ANXA8: variants seen among roughly 807,000 people sequenced by gnomAD.
ANXA8 encodes annexin A8.
Under a neutral mutation model 26.8 loss-of-function variants are expected in ANXA8, and 9 were observed. That is an observed-to-expected ratio of 0.34 (90% CI 0.20 to 0.59). The LOEUF is 0.59. Ranked by LOEUF, ANXA8 falls within the 20% of genes least tolerant of loss-of-function variation. The pLI, the probability that ANXA8 is intolerant of heterozygous loss-of-function variation, is 0.84. For missense variants in ANXA8, 83 were observed against 238.5 expected, an observed-to-expected ratio of 0.35 and a Z score of 4.29; for synonymous variants, 39 against 94.8, an observed-to-expected ratio of 0.41 and a Z score of 3.42.
chr10:47,983,350 C>T, the ANXA8 span, among the ~76,000 whole-genome samples: 3 of 118,018 alleles, frequency 2.5e-5, no homozygotes, highest in East Asian at 2.1e-4. Context: ...TGTCCGTCAA[C>T]GAATGGGTAA....
chr10:47,690,862 G>C, the ANXA8 span: 1 of 1,611,624 alleles, frequency 6.2e-7, no homozygotes, highest in Non-Finnish European at 8.5e-7. Context: ...TGAAGATAAA[G>C]TGGCCCAGTC....
chr10:47,739,046 C>A, the ANXA8 span, among the ~76,000 whole-genome samples: 1 of 148,924 alleles, frequency 6.7e-6, no homozygotes, highest in Non-Finnish European at 1.5e-5. Flanking sequence ...CAGCTAGTCA[C>A]TAAAGGGACT....
At chr10:47,769,300 C>T in the ANXA8 span, among the ~76,000 whole-genome samples, 1 of 150,706 alleles carries the variant, frequency 6.6e-6, no homozygotes, top group Non-Finnish European at 1.5e-5. Context: ...TCCAAATCCC[C>T]TTCCTTTCCT....
At chr10:47,733,445 A>T in the ANXA8 span, among the ~76,000 whole-genome samples, 1 of 127,952 alleles carries the variant, frequency 7.8e-6, no homozygotes, top group Non-Finnish European at 1.6e-5. Flanking sequence ...CGTCCCTAGA[A>T]TTCTAAACTA....
At chr10:47,901,745 T>C in the ANXA8 span, among the ~76,000 whole-genome samples, 1 of 138,334 alleles carries the variant, frequency 7.2e-6, no homozygotes, top group Non-Finnish European at 1.6e-5. Flanking sequence ...CACATAAGAG[T>C]CTTTCTCAAA....
chr10:47,567,720 A>G, the ANXA8 span, among the ~76,000 whole-genome samples: 1 of 146,384 alleles, frequency 6.8e-6, no homozygotes. Flanking sequence ...GTTAATTATT[A>G]TTATGTTTTA....
chr10:47,599,720 C>G, the ANXA8 span: 4 of 151,508 alleles, frequency 2.6e-5, no homozygotes, highest in African/African-American at 9.9e-5. Context: ...GTCCCCTAAC[C>G]CAACATTGCT....
the ANXA8 span, among the ~76,000 whole-genome samples, chr10:47,527,594 A>G: frequency 1.4e-5 from 2 of 147,624 alleles, no homozygotes. Flanking sequence ...TGCAGAGTCA[A>G]ATTTTGCCAG....
the ANXA8 span, among the ~76,000 whole-genome samples, chr10:47,497,780 A>T: frequency 2.7e-5 from 4 of 150,584 alleles, no homozygotes; most frequent in Non-Finnish European, 5.9e-5. Context: ...TCTACTAAAC[A>T]TACAAAAATT....
chr10:47,560,404 A>G, the ANXA8 span, among the ~76,000 whole-genome samples: 3 of 151,834 alleles, frequency 2.0e-5, no homozygotes, highest in Admixed American at 6.6e-5. Context: ...GAGAAGAAAT[A>G]CTAGTTCTTA....
chr10:47,501,450 C>T, the ANXA8 span, among the ~76,000 whole-genome samples: 1 of 138,448 alleles, frequency 7.2e-6, no homozygotes, highest in Non-Finnish European at 1.6e-5. Flanking sequence ...TGGCTCACCC[C>T]CATAATCCCA....
chr10:47,645,056 T>C, the ANXA8 span, among the ~76,000 whole-genome samples: 2 of 151,752 alleles, frequency 1.3e-5, no homozygotes, highest in African/African-American at 4.9e-5. Context: ...CTGTCTTTCT[T>C]AAAGAAATTA....
At chr10:47,738,471 C>T in the ANXA8 span, among the ~76,000 whole-genome samples, 95 of 147,650 alleles carry the variant, frequency 6.4e-4, no homozygotes, top group South Asian at 8.9e-3. Flanking sequence ...GTGGTTAAGG[C>T]TTACTATTTA....
chr10:47,685,475 C>T, the ANXA8 span, among the ~76,000 whole-genome samples: 1 of 151,886 alleles, frequency 6.6e-6, no homozygotes, highest in Non-Finnish European at 1.5e-5. Flanking sequence ...CGTGTCATCC[C>T]TTTATGCTCT....
chr10:47,733,299 T>TTTCTTTCTTTG, the ANXA8 span, among the ~76,000 whole-genome samples: 13 of 100,638 alleles, frequency 1.3e-4, 1 homozygote, highest in Admixed American at 2.1e-4. Context: ...TTCTTTCTTT[T>TTTCTTTCTTTG]TTTTCTTTCT....
chr10:47,594,320 T>C, the ANXA8 span, among the ~76,000 whole-genome samples: 1 of 138,704 alleles, frequency 7.2e-6, no homozygotes, highest in Non-Finnish European at 1.5e-5. Flanking sequence ...CTCCCGCAGA[T>C]GGAAAGGAAT....
chr10:47,670,646 C>T, the ANXA8 span, among the ~76,000 whole-genome samples: 10 of 151,982 alleles, frequency 6.6e-5, no homozygotes, highest in South Asian at 4.1e-4. Flanking sequence ...TGCTTGTTGG[C>T]CATTTGTATA....
At chr10:47,976,544 T>TACACACACACACACAC in the ANXA8 span, among the ~76,000 whole-genome samples, 5 of 132,212 alleles carry the variant, frequency 3.8e-5, no homozygotes, top group African/African-American at 1.4e-4. Flanking sequence ...CCTCTGTCTT[T>TACACACACACACACAC]ACACACACAC....
the ANXA8 span, among the ~76,000 whole-genome samples, chr10:47,673,232 G>A: frequency 6.6e-6 from 1 of 151,704 alleles, no homozygotes; most frequent in Non-Finnish European, 1.5e-5. Flanking sequence ...CTGGGCCAGT[G>A]ACGAACTGGC....
Sources: allele counts gnomAD v4.1 joint callset (sites outside exome capture counted in the v4.1 genomes callset), GRCh38; gene constraint gnomAD v4.1.1; transcripts MANE v1.5; gene names NCBI Gene and HGNC (gene_info 2026-07-23, HGNC 2026-07-21).